Variants in LRRTM4 observed in about 807,000 individuals in gnomAD.
LRRTM4 encodes the protein leucine rich repeat transmembrane neuronal 4, also known as leucine-rich repeat transmembrane neuronal protein 4.
A neutral mutation model predicts 47.6 loss-of-function variants in LRRTM4; 25 were observed. The observed-to-expected ratio is 0.53, with a 90% CI of 0.38 to 0.73. The LOEUF is 0.73. Among genes scored for constraint, LRRTM4 ranks in the 30% least tolerant of loss-of-function variants. LRRTM4 has a pLI of 0.00. For synonymous variants in LRRTM4, 311 were observed against 269.5 expected, an observed-to-expected ratio of 1.15 and a Z score of -1.51; for missense variants, 638 against 713.4, an observed-to-expected ratio of 0.89 and a Z score of 1.20.
chr2:76,903,034 T>A (rs1254889098), intron 3 of LRRTM4, among the ~76,000 whole-genome samples: 1 of 152,150 alleles, frequency 6.6e-6, no homozygotes, highest in Non-Finnish European at 1.5e-5. Flanking sequence ...TTCATTAATA[T>A]ATGTTGAACT....
intron 3 of LRRTM4, among the ~76,000 whole-genome samples, chr2:77,270,011 G>A (rs143271403): frequency 6.6e-6 from 1 of 152,166 alleles, no homozygotes; most frequent in African/African-American, 2.4e-5. Flanking sequence ...AGACACAGAA[G>A]CTGAGGTCCT....
intron 3 of LRRTM4, among the ~76,000 whole-genome samples, chr2:77,432,346 G>A (rs542786618): frequency 4.6e-5 from 7 of 152,204 alleles, no homozygotes; most frequent in African/African-American, 1.4e-4. Context: ...TTACATCGTC[G>A]ATTAGCTTTC....
intron 3 of LRRTM4, among the ~76,000 whole-genome samples, chr2:76,839,138 G>T (rs879429368): frequency 3.9e-5 from 6 of 152,046 alleles, no homozygotes; most frequent in Non-Finnish European, 8.8e-5. Flanking sequence ...TTATGAAACT[G>T]TTAAAAAGAG....
intron 3 of LRRTM4, among the ~76,000 whole-genome samples, chr2:77,444,928 A>T: frequency 9.6e-6 from 1 of 103,880 alleles, no homozygotes; most frequent in Non-Finnish European, 1.9e-5. Flanking sequence ...TGTCTCCTTT[A>T]TTTTACACAC....
intron 3 of LRRTM4, among the ~76,000 whole-genome samples, chr2:76,913,515 C>A (rs1674141848): frequency 1.4e-5 from 2 of 146,530 alleles, no homozygotes; most frequent in African/African-American, 5.1e-5. Context: ...TTGTCACCTA[C>A]TTCCAAATAT....
intron 3 of LRRTM4, among the ~76,000 whole-genome samples, chr2:77,281,699 T>C (rs1205294079): frequency 6.6e-6 from 1 of 151,822 alleles, no homozygotes; most frequent in East Asian, 1.9e-4. Flanking sequence ...TCCAAATACC[T>C]TTAGCCTTTC....
At chr2:76,801,764 A>G (rs1193946254) in intron 3 of LRRTM4, among the ~76,000 whole-genome samples, 4 of 152,170 alleles carry the variant, frequency 2.6e-5, no homozygotes, top group Non-Finnish European at 5.9e-5. Flanking sequence ...CATTAAAAGG[A>G]TCATTCACCA....
chr2:77,252,808 C>T (rs1413531537), intron 3 of LRRTM4, among the ~76,000 whole-genome samples: 1 of 152,040 alleles, frequency 6.6e-6, no homozygotes, highest in African/African-American at 2.4e-5. Flanking sequence ...GGAGTTTAAA[C>T]AAGAGAAATT....
intron 3 of LRRTM4, among the ~76,000 whole-genome samples, chr2:77,484,765 G>A (rs1223809265): frequency 6.6e-6 from 1 of 151,704 alleles, no homozygotes; most frequent in African/African-American, 2.4e-5. Context: ...AAGTTTTCAG[G>A]TTTTTTTTCT....
At chr2:77,427,711 C>T (rs566661702) in intron 3 of LRRTM4, among the ~76,000 whole-genome samples, 1 of 152,296 alleles carries the variant, frequency 6.6e-6, no homozygotes, top group Admixed American at 6.5e-5. Context: ...TGGGAGAACA[C>T]TGTGGGATTT....
chr2:76,862,567 G>A (rs1672343884), intron 3 of LRRTM4, among the ~76,000 whole-genome samples: 1 of 152,162 alleles, frequency 6.6e-6, no homozygotes, highest in Non-Finnish European at 1.5e-5. Flanking sequence ...GTAGCAGCAA[G>A]ACCTTCCTGA....
chr2:76,831,814 A>T (rs7584544), intron 3 of LRRTM4, among the ~76,000 whole-genome samples: 48,310 of 151,440 alleles, frequency 0.32, 8,292 homozygotes, highest in East Asian at 0.49. Context: ...AGCTTTTTTT[A>T]AAAAAAATTG....
chr2:77,238,685 C>G (rs971856463), intron 3 of LRRTM4, among the ~76,000 whole-genome samples: 3 of 151,908 alleles, frequency 2.0e-5, no homozygotes. Context: ...GCTAAAGAGT[C>G]AAAGTTACAG....
At chr2:77,301,656 G>A (rs1247489517) in intron 3 of LRRTM4, among the ~76,000 whole-genome samples, 1 of 152,138 alleles carries the variant, frequency 6.6e-6, no homozygotes, top group Non-Finnish European at 1.5e-5. Flanking sequence ...TCTGCCCCAT[G>A]AGACACCAGA....
chr2:77,172,119 T>C (rs1673065133), intron 3 of LRRTM4, among the ~76,000 whole-genome samples: 1 of 152,190 alleles, frequency 6.6e-6, no homozygotes, highest in African/African-American at 2.4e-5. Flanking sequence ...TTTTAAGAAA[T>C]ATTCTTCACT....
chr2:77,517,695 C>A (rs77365108), intron 3 of LRRTM4: 140 of 896,962 alleles, frequency 1.6e-4, no homozygotes, highest in East Asian at 1.1e-3. Context: ...AAGAAGGAAA[C>A]AAAAAAAAAA....
chr2:77,431,589 A>G (rs1245354126), intron 3 of LRRTM4, among the ~76,000 whole-genome samples: 2 of 149,046 alleles, frequency 1.3e-5, no homozygotes, highest in African/African-American at 2.6e-5. Context: ...TCAAAAGTCT[A>G]AAGTCCAGAG....
At chr2:77,223,563 T>C (rs936012904) in intron 3 of LRRTM4, among the ~76,000 whole-genome samples, 1 of 151,930 alleles carries the variant, frequency 6.6e-6, no homozygotes, top group African/African-American at 2.4e-5. Context: ...TATACAACAA[T>C]AACAGACAAA....
intron 3 of LRRTM4, among the ~76,000 whole-genome samples, chr2:77,165,728 A>G (rs1373705469): frequency 6.6e-6 from 1 of 152,236 alleles, no homozygotes; most frequent in Non-Finnish European, 1.5e-5. Flanking sequence ...ATCTCAATAG[A>G]TGCAGAAAAG....
Sources: allele counts gnomAD v4.1 joint callset (sites outside exome capture counted in the v4.1 genomes callset), GRCh38; gene constraint gnomAD v4.1.1; transcripts MANE v1.5; gene names NCBI Gene and HGNC (gene_info 2026-07-23, HGNC 2026-07-21).